The following RASAL2 variants were observed in gnomAD, a reference collection of about 807,000 sequenced individuals.
RASAL2 encodes the protein ras GTPase-activating protein nGAP.
Under a neutral mutation model 128.9 loss-of-function variants are expected in RASAL2, and 58 were observed. The ratio of observed to expected loss-of-function variants is 0.45; its 90% CI spans 0.36 to 0.56. The LOEUF is 0.56. Ranked by LOEUF, RASAL2 falls within the 20% of genes least tolerant of loss-of-function variation. The pLI is 0.00. For missense variants in RASAL2, 1,360 were observed against 1,601.6 expected (o/e 0.85, Z 2.57); for synonymous variants, 561 against 580.8 (o/e 0.97, Z 0.49).
chr1:178,098,002 T>C (rs771156271), intron 1 of RASAL2, among the ~76,000 whole-genome samples: 1 of 152,238 alleles, frequency 6.6e-6, no homozygotes, highest in Non-Finnish European at 1.5e-5. Flanking sequence ...ATTTTTGAGA[T>C]GTGGCTGAGA....
intron 1 of RASAL2, among the ~76,000 whole-genome samples, chr1:178,273,177 G>T (rs766668136): frequency 1.3e-5 from 2 of 152,126 alleles, no homozygotes; most frequent in Non-Finnish European, 2.9e-5. Flanking sequence ...CTAAGATAAT[G>T]GAAAAGGCTG....
intron 7 of RASAL2, among the ~76,000 whole-genome samples, chr1:178,442,321 A>G (rs931708954): frequency 7.9e-5 from 12 of 152,162 alleles, no homozygotes; most frequent in Admixed American, 5.9e-4. Context: ...AAGCTAGTAC[A>G]TGATAGAAGA....
At chr1:178,453,036 T>C (rs1165006991) in intron 11 of RASAL2, among the ~76,000 whole-genome samples, 1 of 152,010 alleles carries the variant, frequency 6.6e-6, no homozygotes, top group Admixed American at 6.6e-5. Context: ...ATAAAAAAAG[T>C]TGGGAAGAAA....
At chr1:178,185,787 T>G (rs184477467) in intron 1 of RASAL2, among the ~76,000 whole-genome samples, 1 of 152,278 alleles carries the variant, frequency 6.6e-6, no homozygotes, top group African/African-American at 2.4e-5. Flanking sequence ...TATGATTTGC[T>G]AATATTTTGT....
chr1:178,408,935 C>T (rs1211652072), intron 4 of RASAL2, among the ~76,000 whole-genome samples: 2 of 152,082 alleles, frequency 1.3e-5, no homozygotes, highest in African/African-American at 4.8e-5. Flanking sequence ...TTTCACACTA[C>T]TGTAAAGAAC....
At chr1:178,297,610 A>C (rs981368504) in intron 2 of RASAL2, among the ~76,000 whole-genome samples, 2 of 149,732 alleles carry the variant, frequency 1.3e-5, no homozygotes, top group Non-Finnish European at 1.5e-5. Flanking sequence ...TCCATCTCAA[A>C]AAAAAAAAAA....
At chr1:178,268,100 G>C (rs1037022938) in intron 1 of RASAL2, among the ~76,000 whole-genome samples, 1 of 151,876 alleles carries the variant, frequency 6.6e-6, no homozygotes, top group African/African-American at 2.4e-5. Context: ...TGGAAAGGCA[G>C]GAGAATTGCC....
intron 3 of RASAL2, among the ~76,000 whole-genome samples, chr1:178,319,938 G>C (rs1170518776): frequency 6.6e-6 from 1 of 152,046 alleles, no homozygotes; most frequent in Non-Finnish European, 1.5e-5. Flanking sequence ...TCTACTTTTG[G>C]TCTTTGATGA....
At chr1:178,308,059 A>G (rs1668076143) in intron 3 of RASAL2, among the ~76,000 whole-genome samples, 1 of 152,108 alleles carries the variant, frequency 6.6e-6, no homozygotes, top group African/African-American at 2.4e-5. Context: ...ATATTATAAT[A>G]AAATATTAAA....
At chr1:178,285,737 A>G (rs941165324) in intron 2 of RASAL2, among the ~76,000 whole-genome samples, 1 of 152,220 alleles carries the variant, frequency 6.6e-6, no homozygotes, top group Admixed American at 6.5e-5. Flanking sequence ...TACTGTCAGC[A>G]GTCTTTTCTC....
At chr1:178,350,245 G>T (rs1670389133) in intron 3 of RASAL2, among the ~76,000 whole-genome samples, 1 of 152,088 alleles carries the variant, frequency 6.6e-6, no homozygotes, top group Non-Finnish European at 1.5e-5. Context: ...TTGAGACAGG[G>T]TCTCACTTTG....
intron 3 of RASAL2, among the ~76,000 whole-genome samples, chr1:178,366,818 A>G (rs1671429131): frequency 6.6e-6 from 1 of 152,150 alleles, no homozygotes; most frequent in Non-Finnish European, 1.5e-5. Flanking sequence ...ACCAGGCATA[A>G]AAGACCACAT....
chr1:178,160,934 T>C (rs762938492), intron 1 of RASAL2, among the ~76,000 whole-genome samples: 37 of 152,218 alleles, frequency 2.4e-4, no homozygotes, highest in Non-Finnish European at 5.0e-4. Flanking sequence ...CTTCTGACCC[T>C]AATAGTGTTC....
chr1:178,371,355 T>TACACACACACACACAC (rs766584516), intron 3 of RASAL2, among the ~76,000 whole-genome samples: 1,340 of 127,722 alleles, frequency 0.01, 9 homozygotes, highest in Middle Eastern at 0.016. Context: ...CACACACAAA[T>TACACACACACACACAC]ACACACACAC....
chr1:178,282,789 T>C (rs1464603869), intron 1 of RASAL2, among the ~76,000 whole-genome samples: 3 of 152,200 alleles, frequency 2.0e-5, no homozygotes. Context: ...ATAAAAGCTT[T>C]ACTTAATGGA....
chr1:178,159,375 G>A (rs951905967), intron 1 of RASAL2, among the ~76,000 whole-genome samples: 1 of 152,058 alleles, frequency 6.6e-6, no homozygotes, highest in African/African-American at 2.4e-5. Context: ...GGCCAGTCAC[G>A]CAATATGGAA....
In RASAL2 at chr1:178,451,706, A is replaced by T; in HGVS notation, c.1763A>T (p.Asn588Ile). 1 of 1,613,094 alleles carries T rather than the reference A, an allele frequency of 6.2e-7. No homozygotes were observed. The highest frequency in any genetic ancestry group is 1.1e-5 in the South Asian group (1 of 90,984). ...GAGCTGGCTTTCTGCAAGATCATCA[A>T]CTCTTACTGGTGAGCTTATCTTATC... The part of the protein sequence containing the change: ...CCELAFCKII[N>I]SYCVFPRELK... Residue 588 changes from asparagine (N) to isoleucine (I), a missense_variant, in exon 10 of 18, where the codon AAC becomes ATC. Asn to Ile is a moderately radical substitution (Grantham distance 149). This residue lies in a region of RASAL2 where 741 missense variants were observed against 868.6 expected (regional missense o/e 0.85). Transcript: ENST00000367649.
chr1:178,240,481 G>A (rs902340269), intron 1 of RASAL2, among the ~76,000 whole-genome samples: 1 of 150,596 alleles, frequency 6.6e-6, no homozygotes, highest in Non-Finnish European at 1.5e-5. Context: ...TTTTTTCTTA[G>A]CCTTAGACTT....
intron 1 of RASAL2, among the ~76,000 whole-genome samples, chr1:178,217,958 T>C (rs1056786290): frequency 2.0e-5 from 3 of 152,240 alleles, no homozygotes; most frequent in South Asian, 2.1e-4. Flanking sequence ...TCCACTGCTA[T>C]ATCAACTAAG....
Sources: allele counts gnomAD v4.1 joint callset (sites outside exome capture counted in the v4.1 genomes callset), GRCh38; gene constraint gnomAD v4.1.1; regional missense constraint gnomAD v4.1.1; transcripts MANE v1.5; gene names NCBI Gene and HGNC (gene_info 2026-07-23, HGNC 2026-07-21).